Variants in RANBP2 observed in about 807,000 individuals in gnomAD.
RANBP2 encodes the protein RAN binding protein 2.
Under a neutral mutation model 303.6 loss-of-function variants are expected in RANBP2, and 57 were observed. The observed-to-expected ratio is 0.19, with a 90% CI of 0.15 to 0.23. The LOEUF (loss-of-function observed/expected upper bound fraction) is 0.23. RANBP2 is among the 10% of genes least tolerant of loss of function. RANBP2 has a pLI of 1.00. For synonymous variants in RANBP2, 1,167 were observed against 1,301.5 expected, an observed-to-expected ratio of 0.90 and a Z score of 2.23; for missense variants, 3,138 against 3,780.8, an observed-to-expected ratio of 0.83 and a Z score of 4.46.
the RANBP2 span, among the ~76,000 whole-genome samples, chr2:108,886,143 G>A: frequency 6.6e-6 from 1 of 152,158 alleles, no homozygotes; most frequent in Non-Finnish European, 1.5e-5. Context: ...GGGATTGCAG[G>A]ATCCAGTGGT....
chr2:109,596,321 A>AT, the RANBP2 span, among the ~76,000 whole-genome samples: 3 of 152,194 alleles, frequency 2.0e-5, no homozygotes, highest in Non-Finnish European at 4.4e-5. Context: ...TTAGAAAAAA[A>AT]TTAGAGGCTT....
the RANBP2 span, among the ~76,000 whole-genome samples, chr2:109,398,269 C>T: frequency 6.6e-6 from 1 of 152,180 alleles, no homozygotes; most frequent in African/African-American, 2.4e-5. Flanking sequence ...CCCTCACTGT[C>T]TGCAAGGCGG....
At chr2:109,346,259 T>A in the RANBP2 span, among the ~76,000 whole-genome samples, 8 of 152,214 alleles carry the variant, frequency 5.3e-5, no homozygotes, top group Non-Finnish European at 8.8e-5. Context: ...TGGCTGTTTG[T>A]CAATTTGCCA....
At chr2:108,980,014 C>T in the RANBP2 span, among the ~76,000 whole-genome samples, 3 of 151,022 alleles carry the variant, frequency 2.0e-5, no homozygotes, top group South Asian at 2.1e-4. Flanking sequence ...GATGCATTCA[C>T]CTCTCAAGCT....
chr2:109,164,209 T>A, the RANBP2 span, among the ~76,000 whole-genome samples: 1 of 152,118 alleles, frequency 6.6e-6, no homozygotes, highest in African/African-American at 2.4e-5. Flanking sequence ...GTTGGGGCCT[T>A]GCTCTGTTGC....
the RANBP2 span, among the ~76,000 whole-genome samples, chr2:109,175,721 A>AT: frequency 6.6e-6 from 1 of 152,250 alleles, no homozygotes. Flanking sequence ...TAGAGTGTAC[A>AT]TAAAAATGAA....
the RANBP2 span, among the ~76,000 whole-genome samples, chr2:109,144,068 T>G: frequency 6.6e-6 from 1 of 152,202 alleles, no homozygotes; most frequent in South Asian, 2.1e-4. Flanking sequence ...GAGGAGATAC[T>G]TGTCAAAGAG....
chr2:109,226,761 A>C, the RANBP2 span, among the ~76,000 whole-genome samples: 1 of 152,202 alleles, frequency 6.6e-6, no homozygotes, highest in Non-Finnish European at 1.5e-5. Flanking sequence ...ACATTCAGAT[A>C]TAGACATGCT....
At chr2:109,421,426 A>G in the RANBP2 span, among the ~76,000 whole-genome samples, 1 of 152,232 alleles carries the variant, frequency 6.6e-6, no homozygotes, top group African/African-American at 2.4e-5. Flanking sequence ...AGGCTTAGCC[A>G]CCCAAGAAGG....
the RANBP2 span, among the ~76,000 whole-genome samples, chr2:109,009,116 G>A: frequency 6.6e-6 from 1 of 151,786 alleles, no homozygotes. Context: ...GAGGTGGGCG[G>A]ATCACGAGGT....
chr2:109,608,703 C>T, the RANBP2 span, among the ~76,000 whole-genome samples: 16 of 152,242 alleles, frequency 1.1e-4, no homozygotes, highest in East Asian at 3.9e-4. Context: ...ATTTTACTTT[C>T]GTCATTATGA....
chr2:109,687,147 T>C, the RANBP2 span, among the ~76,000 whole-genome samples: 1 of 152,218 alleles, frequency 6.6e-6, no homozygotes, highest in Non-Finnish European at 1.5e-5. Context: ...ATTTTCTTTG[T>C]GTAGCTGCCA....
chr2:108,782,020 C>G (rs1010423278), intron 26 of RANBP2, 108 bp from the exon 27 acceptor site: 6 of 1,283,074 alleles, frequency 4.7e-6, no homozygotes, highest in Non-Finnish European at 6.5e-6. Context: ...TTAACAAATT[C>G]TCTTTGTCAT....
the RANBP2 span, among the ~76,000 whole-genome samples, chr2:109,068,121 C>G: frequency 6.6e-6 from 1 of 152,270 alleles, no homozygotes; most frequent in African/African-American, 2.4e-5. Flanking sequence ...ACGGGGCTAC[C>G]CCACTTCCCT....
the RANBP2 span, among the ~76,000 whole-genome samples, chr2:109,072,690 C>T: frequency 5.9e-5 from 9 of 152,152 alleles, no homozygotes; most frequent in South Asian, 2.1e-4. Flanking sequence ...TGCCACAGCT[C>T]CCCTTCCCAG....
chr2:109,032,796 C>A, the RANBP2 span, among the ~76,000 whole-genome samples: 1 of 152,218 alleles, frequency 6.6e-6, no homozygotes, highest in Non-Finnish European at 1.5e-5. Flanking sequence ...AATTTCCCTC[C>A]GGTTGCACTG....
At chr2:109,691,574 A>G in the RANBP2 span, among the ~76,000 whole-genome samples, 4 of 152,108 alleles carry the variant, frequency 2.6e-5, no homozygotes, top group African/African-American at 7.2e-5. Context: ...CCAGCCTCCA[A>G]AAAGGGGACT....
the RANBP2 span, among the ~76,000 whole-genome samples, chr2:108,845,164 G>T: frequency 6.6e-6 from 1 of 152,074 alleles, no homozygotes; most frequent in Non-Finnish European, 1.5e-5. Context: ...CTTATTGTAA[G>T]TAGAGTTTTG....
At chr2:108,899,498 T>G in the RANBP2 span, among the ~76,000 whole-genome samples, 1 of 151,198 alleles carries the variant, frequency 6.6e-6, no homozygotes, top group African/African-American at 2.4e-5. Flanking sequence ...AAGAACATAG[T>G]GAGCAAAAAT....
Sources: gnomAD v4.1 joint callset for allele counts (sites outside exome capture counted in the v4.1 genomes callset) on GRCh38, gnomAD v4.1.1 for gene constraint, MANE v1.5 for transcripts, NCBI Gene and HGNC (gene_info 2026-07-23, HGNC 2026-07-21) for gene names.